The following TAS1R1 variants were observed in gnomAD, a reference collection of about 807,000 sequenced individuals.
TAS1R1 encodes the protein taste 1 receptor member 1.
In TAS1R1, 31 loss-of-function variants were observed where a neutral mutation model predicts 45.8. The ratio of observed to expected loss-of-function variants is 0.68; its 90% CI spans 0.51 to 0.91. The LOEUF (loss-of-function observed/expected upper bound fraction) is 0.91. TAS1R1 is among the 40% of genes least tolerant of loss of function. The probability of loss-of-function intolerance (pLI) is 0.00; values close to 1 mark genes in which losing one functional copy is unlikely to be tolerated. For synonymous variants in TAS1R1, 437 were observed against 448.4 expected (o/e 0.97, Z 0.32); for missense variants, 1,051 against 1,063.9 (o/e 0.99, Z 0.17).
In TAS1R1 at chr1:6,571,224, G is replaced by A; in HGVS notation, c.498+9G>A. 2 of 1,553,352 alleles carry A rather than the reference G, an allele frequency of 1.3e-6. No individual in the cohort carries two copies. The highest frequency in any genetic ancestry group is 1.7e-6 in the Non-Finnish European group (2 of 1,150,064). ...CTTTCCTGGTGCCCATGGTAAGCTG[G>A]AGCCTCAGACCTTTGCCCATCTCCC... is the stretch of plus-strand genomic sequence containing the variant. On this transcript the variant is annotated intron_variant, in intron 2 of 5. Coordinates refer to ENST00000333172, the MANE Select transcript of TAS1R1 (RefSeq NM_138697.4).
At position 6,565,787 on chromosome 1, in the gene TAS1R1, A is replaced by G. The variant is rs531357080; in HGVS notation, c.192-5122A>G. ...GTGAGAAGAATTTAGAGGCCCATTT[A>G]GAGAGCCTTTGGCTGCTTCATAGAG... On this transcript the variant is annotated intron_variant, in intron 1 of 5. Transcript: ENST00000333172. Among the ~76,000 whole-genome samples the G allele has an allele frequency of 2.6e-5, 4 of 152,292 alleles. No homozygotes were observed. The South Asian group carries it at 6.2e-4, about 24-fold the overall frequency.
At position 6,571,012 on chromosome 1, in the gene TAS1R1, G is replaced by C; in HGVS notation, c.295G>C (p.Gly99Arg). ...STALLPNITL[G>R]YQLYDVCSDS... Reference sequence around the variant, plus strand: ...GGCCCTGCTGCCCAACATCACCCTGGGGTACCAGCTGTATGATGTGTGTTC... The same window carrying C: ...GGCCCTGCTGCCCAACATCACCCTGCGGTACCAGCTGTATGATGTGTGTTC... Residue 99 changes from glycine (G) to arginine (R), a missense_variant, in exon 2 of 6, where the codon GGG becomes CGG. Gly to Arg is a moderately radical substitution (Grantham distance 125). Coordinates refer to ENST00000333172, the MANE Select transcript of TAS1R1 (RefSeq NM_138697.4). The C allele has an allele frequency of 6.2e-7, 1 of 1,614,066 alleles. No individual in the cohort carries two copies. Among genetic ancestry groups the C allele is most frequent in the Non-Finnish European group, 8.5e-7 (1 of 1,180,000 alleles).
chr1:6,562,571 C>A (rs1639808809), intron 1 of TAS1R1, among the ~76,000 whole-genome samples: 1 of 152,202 alleles, frequency 6.6e-6, no homozygotes, highest in Admixed American at 6.5e-5. Flanking sequence ...CAACACTCAG[C>A]TTTTCTCCCA....
chr1:6,560,379 C>T (rs1023829941), intron 1 of TAS1R1, among the ~76,000 whole-genome samples: 7 of 152,328 alleles, frequency 4.6e-5, no homozygotes, highest in African/African-American at 1.4e-4. Context: ...CCACAGCAAT[C>T]AGAGGAGGCA....
rs1320135260 is a variant in TAS1R1 at position 6,579,573 on chromosome 1, G to A, written c.2515G>A (p.Gly839Ser). Residue 839 changes from glycine (G) to serine (S), a missense_variant, in exon 6 of 6, where the codon GGC becomes AGC. Coordinates refer to ENST00000333172, the MANE Select transcript of TAS1R1 (RefSeq NM_138697.4). ...ASIQDYTRRC[G>S]ST is the part of the protein sequence containing the mutation. ...CATTCAGGACTACACGAGGCGCTGC[G>A]GCTCCACCTGACCAGTGGGTCAGCA... 1.2e-6 allele frequency: 2 copies of A among 1,603,880 alleles called. No individual in the cohort carries two copies. Among genetic ancestry groups the A allele is most frequent in the South Asian group, 1.1e-5 (1 of 90,732 alleles).
chr1:6,565,406 T>C (rs747298253), intron 1 of TAS1R1, among the ~76,000 whole-genome samples: 17 of 152,066 alleles, frequency 1.1e-4, no homozygotes, highest in Non-Finnish European at 2.4e-4. Flanking sequence ...CCGCTGCTGC[T>C]AGAGCTCTGA....
intron 1 of TAS1R1, among the ~76,000 whole-genome samples, chr1:6,559,211 A>G (rs956619447): frequency 3.3e-5 from 5 of 150,820 alleles, no homozygotes; most frequent in Non-Finnish European, 7.4e-5. Context: ...TGTACTTTTA[A>G]TAAAGACAGG....
At chr1:6,557,278 G>A (rs932620438) in intron 1 of TAS1R1, among the ~76,000 whole-genome samples, 4 of 152,186 alleles carry the variant, frequency 2.6e-5, no homozygotes, top group South Asian at 2.1e-4. Flanking sequence ...CATGAAAACC[G>A]GCTTCAGATA....
At chr1:6,569,184 T>C (rs142330592) in intron 1 of TAS1R1, among the ~76,000 whole-genome samples, 4 of 151,582 alleles carry the variant, frequency 2.6e-5, no homozygotes, top group Non-Finnish European at 5.9e-5. Flanking sequence ...TGGAGGACCA[T>C]GATGGTGGCG....
chr1:6,571,881 A>C (rs1640026955), intron 2 of TAS1R1, among the ~76,000 whole-genome samples: 1 of 152,010 alleles, frequency 6.6e-6, no homozygotes, highest in Non-Finnish European at 1.5e-5. Flanking sequence ...GCTCCACATC[A>C]TCCCAGTCTC....
At chr1:6,561,674 C>T (rs1317239054) in intron 1 of TAS1R1, among the ~76,000 whole-genome samples, 2 of 149,768 alleles carry the variant, frequency 1.3e-5, no homozygotes, top group African/African-American at 4.9e-5. Context: ...CAGCTCGCGC[C>T]ACCGCACTCC....
intron 1 of TAS1R1, among the ~76,000 whole-genome samples, chr1:6,561,561 A>T (rs1169830157): frequency 6.6e-6 from 1 of 152,016 alleles, no homozygotes; most frequent in Non-Finnish European, 1.5e-5. Flanking sequence ...AATACAAAAA[A>T]ATTAGCTGGA....
chr1:6,573,180 CGGGCGCG>C (rs147943352), intron 2 of TAS1R1, among the ~76,000 whole-genome samples: 2,069 of 152,272 alleles, frequency 0.014, 46 homozygotes, highest in African/African-American at 0.047. Flanking sequence ...GGCCGGGCAC[CGGGCGCG>C]GGGGCTCACG....
Position 6,571,223 on chromosome 1 carries a change from G to A in TAS1R1, c.498+8G>A. On this transcript the variant is annotated splice_region_variant and intron_variant, in intron 2 of 5. Coordinates refer to ENST00000333172, the MANE Select transcript of TAS1R1 (RefSeq NM_138697.4). Reference sequence around the variant, plus strand: ...CCTTTCCTGGTGCCCATGGTAAGCTGGAGCCTCAGACCTTTGCCCATCTCC... The same window carrying A: ...CCTTTCCTGGTGCCCATGGTAAGCTAGAGCCTCAGACCTTTGCCCATCTCC... 3 of 1,553,592 alleles carry A rather than the reference G, an allele frequency of 1.9e-6. No homozygotes were observed. Among genetic ancestry groups the A allele is most frequent in the South Asian group, 2.5e-5 (2 of 80,248 alleles).
rs770363613 is a variant in TAS1R1, at chr1:6,555,866, C to CTTTTTTTTTTTTTTT, written c.191+311_191+325dup. On this transcript the variant is annotated intron_variant, in intron 1 of 5. Transcript: ENST00000333172. ...AAGCAAGGGCAGCTTTTTCCCTCTTCTTTTTTTTTTTTTTTTTTTTTTTGA... is the reference window on the plus strand; with the variant it reads ...AAGCAAGGGCAGCTTTTTCCCTCTTCTTTTTTTTTTTTTTTTTTTTTTTTTTTTTTTTTTTTTTGA... Among the ~76,000 whole-genome samples the CTTTTTTTTTTTTTTT allele has an allele frequency of 5.2e-5, 5 of 95,304 alleles. 1 individual carries two copies. The highest frequency in any genetic ancestry group is 1.5e-4 in the Admixed American group (1 of 6,452). The allele number at this position is 95,304 out of a possible 152,430, so 62.5% of individuals were successfully genotyped here.
rs374608432 is a variant in TAS1R1, at chr1:6,574,588, G to C, written c.499-43G>C. ...CAGCACAGGGCCAGGCACTGGGGGGGCCTTCAGTGGAGACTGAAATGGCTG... is the reference window on the plus strand; with the variant it reads ...CAGCACAGGGCCAGGCACTGGGGGGCCCTTCAGTGGAGACTGAAATGGCTG... On this transcript the variant is annotated intron_variant, in intron 2 of 5. Coordinates refer to ENST00000333172, the MANE Select transcript of TAS1R1 (RefSeq NM_138697.4). The surrounding 1 kb of genome is among the most constrained non-coding windows in gnomAD (Gnocchi z 4.3). 6.4e-7 allele frequency: 1 copy of C among 1,558,200 alleles called. No homozygotes were observed. Among genetic ancestry groups the C allele is most frequent in the Non-Finnish European group, 8.7e-7 (1 of 1,149,658 alleles).
At chr1:6,564,907 G>A (rs1639848600) in intron 1 of TAS1R1, among the ~76,000 whole-genome samples, 1 of 152,196 alleles carries the variant, frequency 6.6e-6, no homozygotes, top group Non-Finnish European at 1.5e-5. Flanking sequence ...CTGAGCTGAT[G>A]TGTAGGGATG....
chr1:6,579,090 G>C lies in TAS1R1; in HGVS notation c.2032G>C (p.Gly678Arg), dbSNP rs200196173. The C allele has an allele frequency of 9.3e-6, 15 of 1,613,730 alleles. No individual in the cohort carries two copies. The highest frequency in any genetic ancestry group is 2.2e-5 in the East Asian group (1 of 44,866). The change falls in exon 6 of 6, where the codon GGT (glycine) becomes CGT (arginine). Residue 678 changes from glycine to arginine, a missense_variant. By Grantham distance (125) the Gly-to-Arg change is moderately radical. Coordinates refer to ENST00000333172, the MANE Select transcript of TAS1R1 (RefSeq NM_138697.4). The stretch of plus-strand genomic sequence containing the variant: ...CTACCACGCCTGGGTCCAAAACCAC[G>C]GTGCTGGCCTGTTTGTGATGATCAG... ...TFYHAWVQNH[G>R]AGLFVMISSA... is the part of the protein sequence containing the mutation.
chr1:6,557,465 T>G (rs1639705676), intron 1 of TAS1R1, among the ~76,000 whole-genome samples: 1 of 152,146 alleles, frequency 6.6e-6, no homozygotes, highest in African/African-American at 2.4e-5. Flanking sequence ...GTCTTGCTCT[T>G]TCCCCCAGGC....
Sources: gnomAD v4.1 joint callset for allele counts (sites outside exome capture counted in the v4.1 genomes callset) on GRCh38, gnomAD v4.1.1 for gene constraint, Gnocchi (gnomAD v3.1) non-coding constraint, MANE v1.5 for transcripts, NCBI Gene and HGNC (gene_info 2026-07-23, HGNC 2026-07-21) for gene names.